OTUD7A: variants seen among roughly 807,000 people sequenced by gnomAD.
OTUD7A encodes OTU domain-containing protein 7A.
In OTUD7A, 12 loss-of-function variants were observed where a neutral mutation model predicts 65.7. That is an observed-to-expected ratio of 0.18 (90% confidence interval 0.12 to 0.30). The LOEUF is 0.30. OTUD7A is among the 10% of genes least tolerant of loss of function. The pLI, the probability that OTUD7A is intolerant of heterozygous loss-of-function variation, is 1.00. For missense variants in OTUD7A, 1,148 were observed against 1,304.8 expected (o/e 0.88, Z 1.85); for synonymous variants, 641 against 586.3 (o/e 1.09, Z -1.35).
intron 5 of OTUD7A, among the ~76,000 whole-genome samples, chr15:31,532,851 G>A (rs1048726438): frequency 6.6e-6 from 1 of 151,062 alleles, no homozygotes; most frequent in Admixed American, 6.6e-5. Flanking sequence ...GGAGAATGGC[G>A]TGAACCTGGG....
intron 1 of OTUD7A, among the ~76,000 whole-genome samples, chr15:31,826,624 C>T (rs1896804704): frequency 6.6e-6 from 1 of 152,260 alleles, no homozygotes. Context: ...ATTTCTGCAG[C>T]TGGCTTGAAT....
At chr15:31,835,708 A>G (rs540553168) in intron 1 of OTUD7A, among the ~76,000 whole-genome samples, 7 of 152,200 alleles carry the variant, frequency 4.6e-5, no homozygotes, top group Non-Finnish European at 8.8e-5. Context: ...ATACCCACAT[A>G]CAAATACATA....
intron 3 of OTUD7A, among the ~76,000 whole-genome samples, chr15:31,594,214 A>G (rs1361154291): frequency 6.6e-6 from 1 of 152,102 alleles, no homozygotes; most frequent in African/African-American, 2.4e-5. Flanking sequence ...GGCACTCTGC[A>G]CCCTGGTTCT....
At chr15:31,806,323 A>T (rs1351008411) in intron 1 of OTUD7A, among the ~76,000 whole-genome samples, 1 of 152,226 alleles carries the variant, frequency 6.6e-6, no homozygotes, top group African/African-American at 2.4e-5. Flanking sequence ...TCAGAAGTAC[A>T]TTTGCACTAA....
intron 1 of OTUD7A, chr15:31,766,533 T>C (rs1032878772): frequency 1.9e-6 from 3 of 1,613,164 alleles, no homozygotes; most frequent in Non-Finnish European, 2.5e-6. Flanking sequence ...AAGTTCACTT[T>C]CCATAGCTGT....
intron 1 of OTUD7A, among the ~76,000 whole-genome samples, chr15:31,778,745 CACACACACACAGACACGCACAT>C (rs1895457702): frequency 6.6e-6 from 1 of 151,570 alleles, no homozygotes; most frequent in Non-Finnish European, 1.5e-5. Flanking sequence ...CTCTCTCACA[CACACACACACAGACACGCACAT>C]ACACACACAC....
chr15:31,678,483 G>A (rs1482725212), intron 1 of OTUD7A, among the ~76,000 whole-genome samples: 7 of 152,300 alleles, frequency 4.6e-5, no homozygotes, highest in East Asian at 3.9e-4. Flanking sequence ...GGAAAAAAAC[G>A]GTTTTGTGGG....
At chr15:31,567,212 T>G (rs747889688) in intron 4 of OTUD7A, among the ~76,000 whole-genome samples, 5 of 152,224 alleles carry the variant, frequency 3.3e-5, no homozygotes, top group Non-Finnish European at 5.9e-5. Context: ...TGAGGAGGTC[T>G]TAGATGGATA....
chr15:31,483,059 T>C lies in OTUD7A; in HGVS notation c.*235A>G, dbSNP rs2041155035. ...TGAGTTTCCACAGGTACGAGGCAGATGCTAGGCTAGCACACCCACTTCCAA... is the reference window on the plus strand; with the variant it reads ...TGAGTTTCCACAGGTACGAGGCAGACGCTAGGCTAGCACACCCACTTCCAA... On this transcript the variant is annotated 3_prime_UTR_variant, in exon 13 of 13. Coordinates refer to ENST00000307050, the MANE Select transcript of OTUD7A (RefSeq NM_001382637.1). 4.8e-6 allele frequency: 1 copy of C among 208,310 alleles called. No homozygotes were observed. Among genetic ancestry groups the C allele is most frequent in the Non-Finnish European group, 8.7e-6 (1 of 115,088 alleles). 12.9% of individuals were successfully genotyped at this position (208,310 alleles called of 1,614,324 possible).
intron 1 of OTUD7A, among the ~76,000 whole-genome samples, chr15:31,827,414 A>G (rs752693953): frequency 5.9e-5 from 9 of 152,194 alleles, no homozygotes; most frequent in Non-Finnish European, 1.2e-4. Context: ...AAACCACCCC[A>G]TGATTCAATT....
chr15:31,695,711 G>A (rs1893063685), intron 1 of OTUD7A, among the ~76,000 whole-genome samples: 1 of 152,184 alleles, frequency 6.6e-6, no homozygotes, highest in African/African-American at 2.4e-5. Context: ...CCTGGTGAAC[G>A]CCTGAGATGC....
intron 3 of OTUD7A, among the ~76,000 whole-genome samples, chr15:31,581,995 G>A (rs1181540436): frequency 6.6e-6 from 1 of 152,070 alleles, no homozygotes; most frequent in Admixed American, 6.6e-5. Flanking sequence ...CCATATCTTT[G>A]TGAATACACA....
chr15:31,808,138 A>ACAC (rs56773953), intron 1 of OTUD7A, among the ~76,000 whole-genome samples: 11 of 113,604 alleles, frequency 9.7e-5, no homozygotes, highest in East Asian at 4.4e-4. Context: ...CACACACACA[A>ACAC]ACAAATCCTC....
chr15:31,860,761 A>T (rs1897719236), intron 1 of OTUD7A, among the ~76,000 whole-genome samples: 1 of 143,320 alleles, frequency 7.0e-6, no homozygotes, highest in Non-Finnish European at 1.5e-5. Flanking sequence ...GCTGGAGTGC[A>T]GTGGTGCAAT....
At position 31,487,689 on chromosome 15, in the gene OTUD7A, T is replaced by A; in HGVS notation, c.1172-123A>T. 1.4e-6 allele frequency: 1 copy of A among 711,950 alleles called. No homozygotes were observed. Among genetic ancestry groups the A allele is most frequent in the Non-Finnish European group, 2.3e-6 (1 of 435,930 alleles). The allele number at this position is 711,950 out of a possible 1,614,324, so 44.1% of individuals were successfully genotyped here. A position where few individuals can be genotyped will look rare whatever the true frequency, so the allele number is the denominator to read the frequency against. ...CCGAGTGGACATCTACACAGATCTG[T>A]GCCAGCAGGAGCATGAAGACCAAAA... On this transcript the variant is annotated intron_variant, in intron 10 of 12. Coordinates refer to ENST00000307050, the MANE Select transcript of OTUD7A (RefSeq NM_001382637.1). The surrounding 1 kb of genome is among the most constrained non-coding windows in gnomAD (Gnocchi z 6.0).
intron 1 of OTUD7A, among the ~76,000 whole-genome samples, chr15:31,815,248 T>C (rs765538285): frequency 5.4e-5 from 8 of 148,248 alleles, no homozygotes; most frequent in Non-Finnish European, 9.0e-5. Flanking sequence ...AGCAATTACA[T>C]ACAGACCTCT....
intron 3 of OTUD7A, among the ~76,000 whole-genome samples, chr15:31,578,916 T>C (rs540574303): frequency 2.5e-4 from 38 of 152,312 alleles, no homozygotes; most frequent in African/African-American, 8.2e-4. Context: ...AAAACCAAGC[T>C]GTGCCCCAAC....
At chr15:31,631,981 T>C (rs569246849) in intron 3 of OTUD7A, among the ~76,000 whole-genome samples, 2 of 152,198 alleles carry the variant, frequency 1.3e-5, no homozygotes, top group African/African-American at 4.8e-5. Context: ...ATTCTAGTTA[T>C]CCATTCATCT....
chr15:31,733,263 C>T lies in OTUD7A; in HGVS notation c.-99-76186G>A, dbSNP rs1242168649. 2.6e-5 allele frequency among the ~76,000 whole-genome samples: 4 copies of T among 152,222 alleles called. No individual in the cohort carries two copies. The South Asian group carries it at 8.3e-4, about 32-fold the overall frequency. ...AGCAAATCTAACCAGATGACACTGA[C>T]ATCTGTCACCATTACCTCCCCTGAG... On this transcript the variant is annotated intron_variant, in intron 1 of 12. Coordinates refer to ENST00000307050, the MANE Select transcript of OTUD7A (RefSeq NM_001382637.1).
Sources: allele counts gnomAD v4.1 joint callset (sites outside exome capture counted in the v4.1 genomes callset), GRCh38; gene constraint gnomAD v4.1.1; non-coding constraint Gnocchi (gnomAD v3.1); transcripts MANE v1.5; gene names NCBI Gene and HGNC (gene_info 2026-07-23, HGNC 2026-07-21).